PRR16: variants seen among roughly 807,000 people sequenced by gnomAD.
The protein encoded by PRR16 is proline rich 16.
Under a neutral mutation model 18.2 loss-of-function variants are expected in PRR16, and 6 were observed. The ratio of observed to expected loss-of-function variants is 0.33; its 90% CI spans 0.18 to 0.65. PRR16 has a LOEUF of 0.65. PRR16 is among the 30% of genes least tolerant of loss of function. The pLI, the probability that PRR16 is intolerant of heterozygous loss-of-function variation, is 0.74. For missense variants in PRR16, 412 were observed against 376.6 expected (o/e 1.09, Z -0.78); for synonymous variants, 151 against 147.8 (o/e 1.02, Z -0.16).
chr5:120,704,747 A>C, the PRR16 span, among the ~76,000 whole-genome samples: 12 of 152,294 alleles, frequency 7.9e-5, no homozygotes, highest in African/African-American at 2.9e-4. Flanking sequence ...CTAGTATATC[A>C]GTAGAATTAA....
chr5:120,696,735 A>G, the PRR16 span, among the ~76,000 whole-genome samples: 3 of 152,190 alleles, frequency 2.0e-5, no homozygotes, highest in Admixed American at 1.3e-4. Flanking sequence ...AAAATGCTGT[A>G]ACCAACAAAA....
At chr5:120,573,432 T>C (rs1473378599) in intron 1 of PRR16, among the ~76,000 whole-genome samples, 2 of 152,160 alleles carry the variant, frequency 1.3e-5, no homozygotes, top group Admixed American at 6.6e-5. Context: ...TTCACACCAT[T>C]ATCTGTTGTC....
At chr5:120,538,072 G>A (rs931176144) in intron 1 of PRR16, among the ~76,000 whole-genome samples, 17 of 152,106 alleles carry the variant, frequency 1.1e-4, no homozygotes, top group African/African-American at 4.1e-4. Flanking sequence ...CACCGCGCCC[G>A]GCCGTTGTTT....
intron 1 of PRR16, among the ~76,000 whole-genome samples, chr5:120,655,318 G>A (rs1348534961): frequency 6.7e-6 from 1 of 149,050 alleles, no homozygotes; most frequent in East Asian, 2.0e-4. Context: ...AAAAAGAAAT[G>A]TATAATGTTA....
At chr5:120,762,453 T>C in the PRR16 span, among the ~76,000 whole-genome samples, 31 of 152,288 alleles carry the variant, frequency 2.0e-4, no homozygotes, top group African/African-American at 7.5e-4. Flanking sequence ...TTTGCATTTT[T>C]GCATTTCCCT....
chr5:120,672,371 G>A (rs1236731976), intron 1 of PRR16, among the ~76,000 whole-genome samples: 1 of 151,564 alleles, frequency 6.6e-6, no homozygotes, highest in Non-Finnish European at 1.5e-5. Context: ...TAAGCACTAA[G>A]AGAAGTGAAA....
the PRR16 span, among the ~76,000 whole-genome samples, chr5:120,699,955 T>C: frequency 6.6e-6 from 1 of 152,188 alleles, no homozygotes; most frequent in African/African-American, 2.4e-5. Flanking sequence ...CTGTGAAGCT[T>C]TGCAGCAGTA....
the PRR16 span, among the ~76,000 whole-genome samples, chr5:120,730,289 T>G: frequency 6.6e-6 from 1 of 152,134 alleles, no homozygotes; most frequent in Non-Finnish European, 1.5e-5. Flanking sequence ...GAATTAATCA[T>G]GATACAACCA....
intron 1 of PRR16, among the ~76,000 whole-genome samples, chr5:120,552,676 A>T (rs565063574): frequency 8.6e-5 from 13 of 152,024 alleles, no homozygotes; most frequent in Admixed American, 4.6e-4. Flanking sequence ...TTGGTTGTGG[A>T]GCATCCTTGT....
chr5:120,748,913 G>A, the PRR16 span, among the ~76,000 whole-genome samples: 1 of 152,042 alleles, frequency 6.6e-6, no homozygotes, highest in African/African-American at 2.4e-5. Context: ...TGGAATCAGA[G>A]TGATATTTTG....
the PRR16 span, among the ~76,000 whole-genome samples, chr5:120,739,428 T>C: frequency 6.6e-6 from 1 of 152,154 alleles, no homozygotes; most frequent in Non-Finnish European, 1.5e-5. Context: ...ATGGGTTACT[T>C]TTCTTTGTCT....
chr5:120,617,700 TATG>T (rs1002581615), intron 1 of PRR16, among the ~76,000 whole-genome samples: 3 of 152,140 alleles, frequency 2.0e-5, no homozygotes, highest in African/African-American at 4.8e-5. Context: ...TTATAAAAGA[TATG>T]ATAATTTAAA....
the PRR16 span, among the ~76,000 whole-genome samples, chr5:120,771,525 A>G: frequency 6.6e-6 from 1 of 152,270 alleles, no homozygotes; most frequent in South Asian, 2.1e-4. Flanking sequence ...AGATGTCTCT[A>G]TGGAAACCTA....
the PRR16 span, among the ~76,000 whole-genome samples, chr5:120,756,044 G>A: frequency 2.0e-5 from 3 of 152,100 alleles, no homozygotes; most frequent in Admixed American, 6.6e-5. Context: ...GGTTGTGGAA[G>A]GTGACCAGTC....
chr5:120,778,927 A>G, the PRR16 span, among the ~76,000 whole-genome samples: 1 of 152,192 alleles, frequency 6.6e-6, no homozygotes, highest in Non-Finnish European at 1.5e-5. Context: ...GTTTCAAGTA[A>G]TAAATTAAAA....
intron 1 of PRR16, among the ~76,000 whole-genome samples, chr5:120,476,514 T>G (rs1749447978): frequency 6.6e-6 from 1 of 152,206 alleles, no homozygotes; most frequent in Non-Finnish European, 1.5e-5. Context: ...AGAAAACATT[T>G]TGAAAGTCTC....
intron 1 of PRR16, among the ~76,000 whole-genome samples, chr5:120,479,185 C>G (rs755738747): frequency 1.8e-4 from 28 of 151,982 alleles, no homozygotes; most frequent in Non-Finnish European, 2.4e-4. Context: ...TGGAGATTAT[C>G]CTATCAAGTT....
the PRR16 span, among the ~76,000 whole-genome samples, chr5:120,700,399 C>T: frequency 6.6e-6 from 1 of 151,578 alleles, no homozygotes; most frequent in African/African-American, 2.4e-5. Context: ...TGATCGGTCG[C>T]CAAGGAGGGA....
the PRR16 span, among the ~76,000 whole-genome samples, chr5:120,753,909 T>A: frequency 0.16 from 17,778 of 110,620 alleles, 1,697 homozygotes; most frequent in Non-Finnish European, 0.22. Context: ...TATTTATAAA[T>A]CTCTATAAAT....
Sources: gnomAD v4.1 joint callset for allele counts (sites outside exome capture counted in the v4.1 genomes callset) on GRCh38, gnomAD v4.1.1 for gene constraint, MANE v1.5 for transcripts, NCBI Gene and HGNC (gene_info 2026-07-23, HGNC 2026-07-21) for gene names.